The following MDGA2 variants were observed in gnomAD, a reference collection of about 807,000 sequenced individuals.
The protein encoded by MDGA2 is MAM domain containing glycosylphosphatidylinositol anchor 2, also known as MAM domain-containing glycosylphosphatidylinositol anchor protein 2.
MDGA2 carries 40 observed loss-of-function variants against 117.8 expected under a neutral mutation model. The observed-to-expected ratio is 0.34, with a 90% CI of 0.26 to 0.44. The LOEUF (loss-of-function observed/expected upper bound fraction) is 0.44, where lower values mean the gene tolerates loss of function less well. Ranked by LOEUF, MDGA2 falls within the 20% of genes least tolerant of loss-of-function variation. MDGA2 has a pLI of 1.00. For synonymous variants in MDGA2, 452 were observed against 439.0 expected (o/e 1.03, Z -0.37); for missense variants, 1,123 against 1,250.6 (o/e 0.90, Z 1.54).
intron 8 of MDGA2, among the ~76,000 whole-genome samples, chr14:46,960,019 C>T (rs188492000): frequency 1.0e-3 from 152 of 152,036 alleles, no homozygotes; most frequent in African/African-American, 3.4e-3. Flanking sequence ...GTCAGGACTT[C>T]GAGACCAGCC....
chr14:47,555,199 C>T (rs1594914772), intron 1 of MDGA2, among the ~76,000 whole-genome samples: 1 of 152,130 alleles, frequency 6.6e-6, no homozygotes, highest in Non-Finnish European at 1.5e-5. Context: ...ATATTTTTAA[C>T]CAAGGTCGTA....
At chr14:47,637,775 T>C (rs907666087) in intron 1 of MDGA2, among the ~76,000 whole-genome samples, 3 of 152,254 alleles carry the variant, frequency 2.0e-5, no homozygotes, top group Non-Finnish European at 4.4e-5. Flanking sequence ...ATTTCAGATA[T>C]GATATACGTA....
At chr14:47,625,411 A>G (rs1448952492) in intron 1 of MDGA2, among the ~76,000 whole-genome samples, 2 of 152,216 alleles carry the variant, frequency 1.3e-5, no homozygotes, top group Non-Finnish European at 2.9e-5. Flanking sequence ...CTTATATTAA[A>G]TTGTACCTGC....
intron 4 of MDGA2, among the ~76,000 whole-genome samples, chr14:47,143,131 G>A (rs539758474): frequency 2.0e-5 from 3 of 152,008 alleles, no homozygotes; most frequent in Non-Finnish European, 4.4e-5. Context: ...TTACAGGCAC[G>A]TGCCACCATG....
intron 1 of MDGA2, among the ~76,000 whole-genome samples, chr14:47,323,588 C>T (rs989171221): frequency 2.6e-5 from 4 of 151,780 alleles, no homozygotes; most frequent in South Asian, 2.1e-4. Context: ...GCCAAGGTCA[C>T]GCCACTGCAC....
At chr14:46,898,252 C>G (rs1274392393) in intron 10 of MDGA2, among the ~76,000 whole-genome samples, 2 of 151,926 alleles carry the variant, frequency 1.3e-5, no homozygotes, top group East Asian at 1.9e-4. Context: ...TTGGAAGAGA[C>G]TCTGGTAATT....
chr14:47,397,603 G>C (rs1012026581), intron 1 of MDGA2, among the ~76,000 whole-genome samples: 7 of 152,014 alleles, frequency 4.6e-5, no homozygotes, highest in Non-Finnish European at 8.8e-5. Context: ...GAAAGCGTAG[G>C]CAAATCTGGA....
intron 1 of MDGA2, among the ~76,000 whole-genome samples, chr14:47,583,352 T>C (rs1896264216): frequency 6.6e-6 from 1 of 151,810 alleles, no homozygotes; most frequent in South Asian, 2.1e-4. Context: ...ACAGAGAACT[T>C]TGCAACTCCT....
At chr14:47,066,205 C>T (rs967975666) in intron 6 of MDGA2, among the ~76,000 whole-genome samples, 30 of 152,118 alleles carry the variant, frequency 2.0e-4, no homozygotes, top group Non-Finnish European at 3.8e-4. Flanking sequence ...GGAGTGGGTA[C>T]ACCTTACTCT....
intron 1 of MDGA2, among the ~76,000 whole-genome samples, chr14:47,450,420 G>C (rs1293347491): frequency 6.6e-6 from 1 of 151,926 alleles, no homozygotes; most frequent in Non-Finnish European, 1.5e-5. Flanking sequence ...GAGTTGCAGA[G>C]GAGTTGCTAG....
intron 3 of MDGA2, among the ~76,000 whole-genome samples, chr14:47,170,367 T>C (rs1173395913): frequency 6.6e-6 from 1 of 152,164 alleles, no homozygotes; most frequent in Admixed American, 6.5e-5. Flanking sequence ...TGCTAAATTA[T>C]TTGTTATGAT....
intron 5 of MDGA2, among the ~76,000 whole-genome samples, chr14:47,122,242 C>G (rs1344910386): frequency 6.6e-6 from 1 of 152,006 alleles, no homozygotes; most frequent in Admixed American, 6.6e-5. Context: ...TACTACTCTA[C>G]TGTAGAGAGA....
chr14:46,920,103 C>A lies in MDGA2; in HGVS notation c.2147G>T (p.Arg716Ile). The A allele has an allele frequency of 6.2e-7, 1 of 1,611,798 alleles. No individual in the cohort carries two copies. The highest frequency in any genetic ancestry group is 8.5e-7 in the Non-Finnish European group (1 of 1,178,990). The change falls in exon 10 of 17, where the codon AGA (arginine) becomes ATA (isoleucine). Residue 716 changes from arginine to isoleucine, a missense_variant. By Grantham distance (97) the Arg-to-Ile change is moderately conservative. Coordinates refer to ENST00000399232, the MANE Select transcript of MDGA2 (RefSeq NM_001113498.3). Reference protein sequence around the residue: ...YDTYNPVWQNRHRVYSYSLQW... With the variant: ...YDTYNPVWQNIHRVYSYSLQW... ...TAGACTGTAAGAATAAACACGGTGT[C>A]TGTTCTGCCATACTGGATTGTAGGT... is the stretch of plus-strand genomic sequence containing the variant.
intron 1 of MDGA2, chr14:47,444,148 A>G (rs1286965406): frequency 9.2e-6 from 2 of 218,576 alleles, no homozygotes; most frequent in Non-Finnish European, 1.9e-5. Flanking sequence ...GTGCACTTTC[A>G]TCTTGCTCCT....
At chr14:47,269,561 T>C (rs1204081595) in intron 2 of MDGA2, among the ~76,000 whole-genome samples, 1 of 152,150 alleles carries the variant, frequency 6.6e-6, no homozygotes, top group East Asian at 1.9e-4. Flanking sequence ...AATAACCAGG[T>C]TCTGAAAAAA....
At chr14:47,337,836 G>T (rs889368000) in intron 1 of MDGA2, among the ~76,000 whole-genome samples, 1 of 151,952 alleles carries the variant, frequency 6.6e-6, no homozygotes, top group African/African-American at 2.4e-5. Flanking sequence ...TTACATTAGA[G>T]GAAACATCAA....
At chr14:47,441,973 T>C (rs1454582583) in intron 1 of MDGA2, among the ~76,000 whole-genome samples, 2 of 152,074 alleles carry the variant, frequency 1.3e-5, no homozygotes, top group Non-Finnish European at 2.9e-5. Flanking sequence ...CCCAGTCAAG[T>C]ATATTGATTT....
chr14:47,510,886 G>T (rs1486412146), intron 1 of MDGA2, among the ~76,000 whole-genome samples: 1 of 152,202 alleles, frequency 6.6e-6, no homozygotes, highest in Admixed American at 6.5e-5. Context: ...GGAGTGCTTT[G>T]CTCCCATAGT....
chr14:47,580,104 T>G (rs935454120), intron 1 of MDGA2, among the ~76,000 whole-genome samples: 10 of 152,100 alleles, frequency 6.6e-5, no homozygotes, highest in African/African-American at 2.4e-4. Flanking sequence ...TATTGAATAC[T>G]CTCCAAAGCT....
Sources: gnomAD v4.1 joint callset for allele counts (sites outside exome capture counted in the v4.1 genomes callset) on GRCh38, gnomAD v4.1.1 for gene constraint, MANE v1.5 for transcripts, NCBI Gene and HGNC (gene_info 2026-07-23, HGNC 2026-07-21) for gene names.